Variants in USP25 observed in about 807,000 individuals in gnomAD.
USP25 encodes ubiquitin specific peptidase 25, also known as ubiquitin carboxyl-terminal hydrolase 25.
A neutral mutation model predicts 158.5 loss-of-function variants in USP25; 85 were observed. That is an observed-to-expected ratio of 0.54 (90% CI 0.45 to 0.64). The LOEUF is 0.64. Among genes scored for constraint, USP25 ranks in the 30% least tolerant of loss-of-function variants. The probability of loss-of-function intolerance (pLI) is 0.00; values close to 1 mark genes in which losing one functional copy is unlikely to be tolerated. For synonymous variants in USP25, 464 were observed against 460.4 expected, an observed-to-expected ratio of 1.01 and a Z score of -0.10; for missense variants, 1,242 against 1,327.3, an observed-to-expected ratio of 0.94 and a Z score of 1.00.
At position 15,877,955 on chromosome 21, in the gene USP25, A is replaced by G. The variant is rs762759283; in HGVS notation, c.3169A>G (p.Asn1057Asp). 3.8e-5 allele frequency: 61 copies of G among 1,612,896 alleles called. No individual in the cohort carries two copies. Among genetic ancestry groups the G allele is most frequent in the Non-Finnish European group, 9.3e-6 (11 of 1,179,566 alleles). Residue 1057 changes from asparagine (N) to aspartate (D), a missense_variant, in exon 25 of 26, where the codon AAT becomes GAT. This residue lies in a region of USP25 where 608 missense variants were observed against 605.2 expected (regional missense o/e 1.00). Coordinates refer to ENST00000400183, the MANE Select transcript of USP25 (RefSeq NM_001283041.3). ...KDILAVEDMRNRWCSYLGQEM... is the reference protein window; with the variant it reads ...KDILAVEDMRDRWCSYLGQEM... ...TATACTAGCTGTAGAAGATATGAGA[A>G]ATCGATGGTGTTCCTACCTTGGTCA...
chr21:15,803,883 A>G (rs1329458265), intron 6 of USP25, among the ~76,000 whole-genome samples: 3 of 151,882 alleles, frequency 2.0e-5, no homozygotes, highest in Non-Finnish European at 4.4e-5. Context: ...AATTCTTTCT[A>G]TGTGGGTTAT....
intron 1 of USP25, among the ~76,000 whole-genome samples, chr21:15,743,648 CCAG>C (rs2032269010): frequency 6.6e-6 from 1 of 152,154 alleles, no homozygotes; most frequent in Non-Finnish European, 1.5e-5. Context: ...AGTTTTCACT[CCAG>C]CTGTGGACTC....
chr21:15,791,455 A>C (rs1193747090), intron 4 of USP25, 47 bp from the exon 5 acceptor site: 1 of 1,519,544 alleles, frequency 6.6e-7, no homozygotes, highest in Non-Finnish European at 8.9e-7. Flanking sequence ...TATGCCTGGG[A>C]TATATACCAT....
At chr21:15,815,075 G>C (rs752607804) in intron 9 of USP25, among the ~76,000 whole-genome samples, 19 of 152,170 alleles carry the variant, frequency 1.2e-4, no homozygotes, top group Non-Finnish European at 2.6e-4. Context: ...AGCTGCTCCA[G>C]CTTTTGCTAG....
chr21:15,864,912 C>T (rs1402070756), intron 21 of USP25, among the ~76,000 whole-genome samples: 1 of 152,022 alleles, frequency 6.6e-6, no homozygotes, highest in Non-Finnish European at 1.5e-5. Context: ...CAAAGTCACC[C>T]TTATTAGAGA....
At chr21:15,756,113 C>G (rs1413646550) in intron 1 of USP25, among the ~76,000 whole-genome samples, 1 of 152,182 alleles carries the variant, frequency 6.6e-6, no homozygotes, top group East Asian at 1.9e-4. Flanking sequence ...GGTGAAAAGT[C>G]TGTCTGGGTA....
chr21:15,778,072 A>G (rs2034761065), intron 4 of USP25, 45 bp downstream of exon 4: 3 of 1,466,318 alleles, frequency 2.0e-6, no homozygotes, highest in Middle Eastern at 3.6e-4. Context: ...ACTTTTAAAA[A>G]TAGAAATCAT....
chr21:15,861,002 TA>T (rs1469774634), intron 20 of USP25, among the ~76,000 whole-genome samples: 1 of 150,306 alleles, frequency 6.7e-6, no homozygotes, highest in Non-Finnish European at 1.5e-5. Context: ...AGAGTTTACA[TA>T]AAAAATTAAG....
At chr21:15,765,250 T>A (rs538858378) in intron 2 of USP25, among the ~76,000 whole-genome samples, 1 of 152,246 alleles carries the variant, frequency 6.6e-6, no homozygotes, top group East Asian at 1.9e-4. Context: ...AACGTTTTAC[T>A]TGCTGTCAGT....
At chr21:15,829,050 A>G (rs1003659436) in intron 14 of USP25, among the ~76,000 whole-genome samples, 3 of 152,150 alleles carry the variant, frequency 2.0e-5, no homozygotes, top group African/African-American at 7.2e-5. Context: ...TTTGTAAACT[A>G]TTGTGTAATA....
At chr21:15,830,769 A>G (rs1198068086) in intron 15 of USP25, among the ~76,000 whole-genome samples, 168 bp downstream of exon 15, 1 of 152,174 alleles carries the variant, frequency 6.6e-6, no homozygotes, top group Non-Finnish European at 1.5e-5. Flanking sequence ...GTGACAGTTC[A>G]TCTGAATGGG....
rs1207779532 is a variant in USP25 at position 15,766,842 on chromosome 21, A to G, written c.268+701A>G. On this transcript the variant is annotated intron_variant, in intron 3 of 25. Coordinates refer to ENST00000400183, the MANE Select transcript of USP25 (RefSeq NM_001283041.3). This position sits in a 1 kb window ranked among gnomAD's most constrained non-coding sequence, Gnocchi z 4.0. ...TTACTTTTATGCCTTATGGATTTGCAAAGTTTGATTATTAACATATATTTG... is the reference window on the plus strand; with the variant it reads ...TTACTTTTATGCCTTATGGATTTGCGAAGTTTGATTATTAACATATATTTG... Among the ~76,000 whole-genome samples, 1 of 152,004 alleles carries G rather than the reference A, an allele frequency of 6.6e-6. No individual in the cohort carries two copies. Among genetic ancestry groups the G allele is most frequent in the African/African-American group, 2.4e-5 (1 of 41,368 alleles).
Position 15,878,788 on chromosome 21 carries a change from C to T in USP25, c.*313C>T, listed in dbSNP as rs1388559366. 4.2e-6 allele frequency: 1 copy of T among 235,596 alleles called. No individual in the cohort carries two copies. The highest frequency in any genetic ancestry group is 8.3e-6 in the Non-Finnish European group (1 of 120,708). 14.6% of individuals were successfully genotyped at this position (235,596 alleles called of 1,614,324 possible). On this transcript the variant is annotated 3_prime_UTR_variant, in exon 26 of 26. Coordinates refer to ENST00000400183, the MANE Select transcript of USP25 (RefSeq NM_001283041.3). ...GCTTTTATCTTTTCTTTCTCAACAG[C>T]TTTCCATTCAGTCTGGATCCTTCCA...
chr21:15,853,354 CAT>C (rs934574046), intron 20 of USP25, among the ~76,000 whole-genome samples: 9 of 152,132 alleles, frequency 5.9e-5, no homozygotes, highest in African/African-American at 1.2e-4. Flanking sequence ...TGTACACACA[CAT>C]GCACACATGT....
At chr21:15,867,270 T>G (rs1296461993) in intron 22 of USP25, among the ~76,000 whole-genome samples, 1 of 152,110 alleles carries the variant, frequency 6.6e-6, no homozygotes, top group Non-Finnish European at 1.5e-5. Flanking sequence ...TTGGGTGCCT[T>G]TGCTTAATAT....
intron 11 of USP25, 143 bp downstream of exon 11, chr21:15,824,309 T>C (rs2037381291): frequency 2.2e-6 from 2 of 915,596 alleles, no homozygotes; most frequent in African/African-American, 1.7e-5. Flanking sequence ...TCAAGGTAGA[T>C]GAAATTTACT....
intron 7 of USP25, 72 bp downstream of exon 7, chr21:15,805,330 A>G (rs1471109845): frequency 7.4e-7 from 1 of 1,357,574 alleles, no homozygotes; most frequent in African/African-American, 1.5e-5. Flanking sequence ...ACCTTTCCCA[A>G]GAATATGAGA....
chr21:15,782,018 A>C (rs907270838), intron 4 of USP25, among the ~76,000 whole-genome samples: 1 of 152,146 alleles, frequency 6.6e-6, no homozygotes, highest in Non-Finnish European at 1.5e-5. Flanking sequence ...CTCATTCCAC[A>C]AAGTTCACAC....
At chr21:15,795,024 G>T (rs958214347) in intron 5 of USP25, among the ~76,000 whole-genome samples, 8 of 151,416 alleles carry the variant, frequency 5.3e-5, no homozygotes. Flanking sequence ...TTTCATCAAA[G>T]AAAAAATCAT....
Sources: allele counts gnomAD v4.1 joint callset (sites outside exome capture counted in the v4.1 genomes callset), GRCh38; gene constraint gnomAD v4.1.1; regional missense constraint gnomAD v4.1.1; non-coding constraint Gnocchi (gnomAD v3.1); transcripts MANE v1.5; gene names NCBI Gene and HGNC (gene_info 2026-07-23, HGNC 2026-07-21).